DLGAP2: variants seen among roughly 807,000 people sequenced by gnomAD.
The protein encoded by DLGAP2 is DLG associated protein 2, also known as disks large-associated protein 2.
A neutral mutation model predicts 100.3 loss-of-function variants in DLGAP2; 26 were observed. That is an observed-to-expected ratio of 0.26 (90% confidence interval 0.19 to 0.36). The LOEUF is 0.36. Ranked by LOEUF, DLGAP2 falls within the 10% of genes least tolerant of loss-of-function variation. The pLI is 1.00. For missense variants in DLGAP2, 1,858 were observed against 1,453.2 expected (o/e 1.28, Z -4.53); for synonymous variants, 886 against 630.1 (o/e 1.41, Z -6.08).
intron 2 of DLGAP2, among the ~76,000 whole-genome samples, chr8:967,676 T>C (rs1799904750): frequency 6.8e-6 from 1 of 147,996 alleles, no homozygotes; most frequent in Non-Finnish European, 1.5e-5. Flanking sequence ...AATGTACAAA[T>C]ACCTATGTAC....
At chr8:1,006,055 G>T (rs992730353) in intron 2 of DLGAP2, among the ~76,000 whole-genome samples, 3 of 152,092 alleles carry the variant, frequency 2.0e-5, no homozygotes, top group African/African-American at 4.8e-5. Flanking sequence ...TGGGTGTGGT[G>T]GCGGGCACCT....
At chr8:1,423,929 G>C (rs1207086668) in intron 3 of DLGAP2, among the ~76,000 whole-genome samples, 2 of 152,224 alleles carry the variant, frequency 1.3e-5, no homozygotes, top group Non-Finnish European at 2.9e-5. Context: ...ACCCAAATGA[G>C]GAAGCAGTGC....
intron 3 of DLGAP2, among the ~76,000 whole-genome samples, chr8:1,324,526 A>G (rs1312133386): frequency 6.6e-6 from 1 of 152,190 alleles, no homozygotes; most frequent in East Asian, 1.9e-4. Context: ...TTACCCATTA[A>G]CACATTGCTC....
At chr8:873,215 A>T (rs922308340) in intron 1 of DLGAP2, among the ~76,000 whole-genome samples, 6 of 152,232 alleles carry the variant, frequency 3.9e-5, no homozygotes, top group African/African-American at 1.4e-4. Flanking sequence ...CTCATTTATT[A>T]ATTCTAATAA....
chr8:1,410,979 C>G (rs183210914), intron 3 of DLGAP2, among the ~76,000 whole-genome samples: 5 of 152,018 alleles, frequency 3.3e-5, no homozygotes, highest in African/African-American at 4.8e-5. Flanking sequence ...TAGTGTTGTA[C>G]GTTACTTTGA....
At chr8:1,616,762 G>A (rs1797167385) in intron 6 of DLGAP2, among the ~76,000 whole-genome samples, 1 of 151,616 alleles carries the variant, frequency 6.6e-6, no homozygotes, top group Non-Finnish European at 1.5e-5. Context: ...TTAGTTTCAG[G>A]GGTACATGCA....
At position 1,348,824 on chromosome 8, in the gene DLGAP2, G is replaced by A. The variant is rs554121166; in HGVS notation, c.106+89941G>A. 3.9e-5 allele frequency among the ~76,000 whole-genome samples: 6 copies of A among 152,330 alleles called. No homozygotes were observed. The South Asian group carries it at 1.2e-3, about 32-fold the overall frequency. On this transcript the variant is annotated intron_variant, in intron 3 of 14. Transcript: ENST00000637795. The stretch of plus-strand genomic sequence containing the variant: ...GTGTTGATGGATTCAGCACCAGCCA[G>A]TATCAGTCCCCACCTCACGTTGGCT...
At chr8:1,057,148 A>T (rs373607656) in intron 2 of DLGAP2, among the ~76,000 whole-genome samples, 11 of 152,258 alleles carry the variant, frequency 7.2e-5, no homozygotes, top group East Asian at 3.8e-4. Flanking sequence ...GAAACCTTTC[A>T]GTGTGAGAAT....
At chr8:786,845 A>C (rs1357186544) in intron 1 of DLGAP2, among the ~76,000 whole-genome samples, 1 of 152,022 alleles carries the variant, frequency 6.6e-6, no homozygotes, top group Non-Finnish European at 1.5e-5. Flanking sequence ...AGACCTGTGA[A>C]CGTGGCTTCT....
intron 2 of DLGAP2, among the ~76,000 whole-genome samples, chr8:1,112,107 G>C (rs926905522): frequency 6.6e-6 from 1 of 151,996 alleles, no homozygotes; most frequent in Non-Finnish European, 1.5e-5. Context: ...CATTCTGACT[G>C]GTGTGTGATG....
intron 2 of DLGAP2, among the ~76,000 whole-genome samples, chr8:1,145,789 G>C (rs551320330): frequency 2.0e-4 from 25 of 126,566 alleles, no homozygotes; most frequent in African/African-American, 7.8e-4. Context: ...ATAGTCCCCA[G>C]AGTGTGATGT....
At chr8:1,200,420 C>G (rs189733934) in intron 2 of DLGAP2, among the ~76,000 whole-genome samples, 1 of 152,332 alleles carries the variant, frequency 6.6e-6, no homozygotes, top group African/African-American at 2.4e-5. Flanking sequence ...AGCAGTTGTT[C>G]TGAAATGATT....
chr8:772,725 A>G (rs548371921), intron 1 of DLGAP2, among the ~76,000 whole-genome samples: 1 of 152,336 alleles, frequency 6.6e-6, no homozygotes, highest in African/African-American at 2.4e-5. Context: ...GCAACGTTAC[A>G]GGTGTTTGAG....
intron 1 of DLGAP2, among the ~76,000 whole-genome samples, chr8:767,951 A>C (rs1202691143): frequency 6.6e-6 from 1 of 152,194 alleles, no homozygotes; most frequent in Non-Finnish European, 1.5e-5. Flanking sequence ...GTTTTTTACA[A>C]TGTAAGAAGT....
rs532268287 is a variant in DLGAP2, at chr8:982,467, C to T, written c.73+74501C>T. Among the ~76,000 whole-genome samples, 5 of 152,246 alleles carry T rather than the reference C, an allele frequency of 3.3e-5. No individual in the cohort carries two copies. The East Asian group carries it at 9.6e-4, about 29-fold the overall frequency. On this transcript the variant is annotated intron_variant, in intron 2 of 14. Transcript: ENST00000637795. ...TTTGAGTGACTTCTCTGTGCCTAGA[C>T]CCACAAAGGGCTTTTCTCTAGAAAG...
intron 3 of DLGAP2, among the ~76,000 whole-genome samples, chr8:1,433,129 A>G (rs1221309649): frequency 3.9e-5 from 6 of 152,272 alleles, no homozygotes; most frequent in African/African-American, 1.2e-4. Flanking sequence ...GGGAGTCAGC[A>G]GGGGAGGAAG....
intron 3 of DLGAP2, among the ~76,000 whole-genome samples, chr8:1,291,905 ACTATTACAAAATGTT>A (rs1800068444): frequency 6.6e-6 from 1 of 152,116 alleles, no homozygotes; most frequent in Non-Finnish European, 1.5e-5. Flanking sequence ...CTAACTTTTG[ACTATTACAAAATGTT>A]CACTCTCAAA....
intron 2 of DLGAP2, among the ~76,000 whole-genome samples, chr8:1,199,339 A>G (rs997493498): frequency 6.6e-6 from 1 of 152,222 alleles, no homozygotes; most frequent in African/African-American, 2.4e-5. Context: ...TCTTTTGGCT[A>G]TTAATCTATG....
intron 13 of DLGAP2, among the ~76,000 whole-genome samples, chr8:1,694,314 C>T (rs1332305169): frequency 2.6e-5 from 4 of 152,110 alleles, no homozygotes; most frequent in South Asian, 2.1e-4. Context: ...CCAAATGGTC[C>T]GCAGCGCAAA....
Sources: gnomAD v4.1 joint callset for allele counts (sites outside exome capture counted in the v4.1 genomes callset) on GRCh38, gnomAD v4.1.1 for gene constraint, MANE v1.5 for transcripts, NCBI Gene and HGNC (gene_info 2026-07-23, HGNC 2026-07-21) for gene names.